CSMD1: variants seen among roughly 807,000 people sequenced by gnomAD.
CSMD1 encodes CUB and Sushi multiple domains 1.
In CSMD1, 213 loss-of-function variants were observed where a neutral mutation model predicts 417.5. The ratio of observed to expected loss-of-function variants is 0.51; its 90% CI spans 0.46 to 0.57. The LOEUF is 0.57. Among genes scored for constraint, CSMD1 ranks in the 20% least tolerant of loss-of-function variants. The pLI, the probability that CSMD1 is intolerant of heterozygous loss-of-function variation, is 0.00. For synonymous variants in CSMD1, 2,862 were observed against 1,736.8 expected, an observed-to-expected ratio of 1.65 and a Z score of -16.11; for missense variants, 6,923 against 4,529.7, an observed-to-expected ratio of 1.53 and a Z score of -15.17.
chr8:3,450,700 A>G (rs1815648760), intron 12 of CSMD1, among the ~76,000 whole-genome samples: 1 of 151,936 alleles, frequency 6.6e-6, no homozygotes, highest in Non-Finnish European at 1.5e-5. Context: ...GCATTTTCTT[A>G]ATCCAGTCTA....
intron 3 of CSMD1, among the ~76,000 whole-genome samples, chr8:4,040,819 A>C (rs904041177): frequency 3.3e-5 from 5 of 152,144 alleles, no homozygotes; most frequent in South Asian, 2.1e-4. Context: ...ATAGCACGTG[A>C]AAGACTTTAG....
chr8:3,078,439 G>T (rs1449830506), intron 49 of CSMD1, among the ~76,000 whole-genome samples: 6 of 152,188 alleles, frequency 3.9e-5, no homozygotes, highest in Non-Finnish European at 7.3e-5. Flanking sequence ...CATGTCTTCA[G>T]TAAAATGCCT....
At chr8:4,828,894 G>C (rs535211744) in intron 1 of CSMD1, among the ~76,000 whole-genome samples, 4 of 152,022 alleles carry the variant, frequency 2.6e-5, no homozygotes, top group South Asian at 2.1e-4. Flanking sequence ...CCACATCCTC[G>C]TCCCAGTACT....
chr8:3,648,301 C>G (rs781272886), intron 7 of CSMD1, among the ~76,000 whole-genome samples: 15 of 152,324 alleles, frequency 9.8e-5, no homozygotes, highest in Non-Finnish European at 1.5e-4. Context: ...ATCTGCCCTA[C>G]AAATTGCCTT....
At chr8:3,604,763 C>T (rs1237837743) in intron 8 of CSMD1, among the ~76,000 whole-genome samples, 1 of 152,076 alleles carries the variant, frequency 6.6e-6, no homozygotes, top group Non-Finnish European at 1.5e-5. Flanking sequence ...TGGGCATAAC[C>T]TGAGTGTGCA....
chr8:3,283,032 CTTCGGAAACCT>C (rs1802857377), intron 26 of CSMD1, among the ~76,000 whole-genome samples: 1 of 152,172 alleles, frequency 6.6e-6, no homozygotes, highest in Admixed American at 6.5e-5. Context: ...CTCCTTCCTC[CTTCGGAAACCT>C]TTCATCAAAA....
At chr8:4,263,843 C>G (rs1001414143) in intron 3 of CSMD1, among the ~76,000 whole-genome samples, 5 of 152,242 alleles carry the variant, frequency 3.3e-5, no homozygotes, top group East Asian at 3.9e-4. Flanking sequence ...TGATAGCACT[C>G]AAAAACATTA....
intron 1 of CSMD1, among the ~76,000 whole-genome samples, chr8:4,748,830 A>G (rs1811122327): frequency 6.6e-6 from 1 of 152,232 alleles, no homozygotes; most frequent in African/African-American, 2.4e-5. Flanking sequence ...CCCCTTCGGG[A>G]GAGTTCACCA....
At chr8:4,965,471 T>TTCAGAAGGA (rs1406066993) in intron 1 of CSMD1, among the ~76,000 whole-genome samples, 3 of 152,212 alleles carry the variant, frequency 2.0e-5, no homozygotes, top group Non-Finnish European at 4.4e-5. Context: ...GACATGTGGA[T>TTCAGAAGGA]TCAGAAGGAT....
Position 2,962,500 on chromosome 8 carries a change from G to C in CSMD1, c.9594C>G (p.Asp3198Glu). The C allele has an allele frequency of 1.3e-5, 21 of 1,613,836 alleles. No homozygotes were observed. Among genetic ancestry groups the C allele is most frequent in the Non-Finnish European group, 1.8e-5 (21 of 1,179,810 alleles). ...VGSSRRVCQA[D>E]GTWSGIQPTC... ...TGGGTTGTATGCCGCTCCACGTGCC[G>C]TCAGCTTGGCAGACTCTTCTGGAGG... The change falls in exon 61 of 70, where the codon GAC (aspartate) becomes GAG (glutamate). Residue 3198 changes from aspartate to glutamate, a missense_variant. Physicochemically the swap from Asp to Glu is conservative, Grantham distance 45. Transcript: ENST00000635120.
intron 12 of CSMD1, among the ~76,000 whole-genome samples, chr8:3,433,322 T>G (rs1814341028): frequency 2.0e-5 from 3 of 152,232 alleles, no homozygotes; most frequent in Non-Finnish European, 4.4e-5. Context: ...TGACAGGGAC[T>G]TCCACTGCCT....
chr8:3,279,058 G>T (rs17391886), intron 26 of CSMD1: 15,931 of 152,224 alleles, frequency 0.1, 978 homozygotes, highest in South Asian at 0.21. Flanking sequence ...ACTGGTGCCC[G>T]ATTCTCACTG....
At chr8:3,456,183 G>T (rs1371716461) in intron 12 of CSMD1, among the ~76,000 whole-genome samples, 1 of 152,194 alleles carries the variant, frequency 6.6e-6, no homozygotes, top group South Asian at 2.1e-4. Context: ...GGGTGGGAGT[G>T]ACCCAATTTT....
chr8:3,656,313 C>T (rs892715265), intron 7 of CSMD1, among the ~76,000 whole-genome samples: 5 of 152,140 alleles, frequency 3.3e-5, no homozygotes, highest in East Asian at 1.9e-4. Flanking sequence ...AAGCTTAGGG[C>T]GAAAGGTATA....
Position 3,923,399 on chromosome 8 carries a change from CTTATT to C in CSMD1, c.818+74499_818+74503del, listed in dbSNP as rs576431589. 5.8e-4 allele frequency among the ~76,000 whole-genome samples: 89 copies of C among 152,202 alleles called. 1 individual carries two copies. The highest frequency in any genetic ancestry group is 2.1e-3 in the African/African-American group (87 of 41,532). Reference sequence around the variant, plus strand: ...TGCAATTTCCTTATTATATCATTTGCTTATTTTGTCAATTTGATTATATTAATTTG... The same window carrying C: ...TGCAATTTCCTTATTATATCATTTGCTTGTCAATTTGATTATATTAATTTG... On this transcript the variant is annotated intron_variant, in intron 5 of 69. Transcript: ENST00000635120.
intron 16 of CSMD1, among the ~76,000 whole-genome samples, chr8:3,397,483 C>T (rs775067306): frequency 4.6e-5 from 7 of 152,104 alleles, no homozygotes; most frequent in Admixed American, 1.3e-4. Flanking sequence ...TACCCTGGGC[C>T]CCATTCTTCC....
intron 5 of CSMD1, among the ~76,000 whole-genome samples, chr8:3,815,580 C>A (rs1157708078): frequency 6.7e-6 from 1 of 149,816 alleles, no homozygotes; most frequent in Non-Finnish European, 1.5e-5. Context: ...TTTGAAATTA[C>A]ATAAAAATTA....
At chr8:4,050,945 G>C (rs933316111) in intron 3 of CSMD1, among the ~76,000 whole-genome samples, 1 of 152,040 alleles carries the variant, frequency 6.6e-6, no homozygotes, top group African/African-American at 2.4e-5. Context: ...TCCATGATAA[G>C]GTCTCACTTG....
chr8:4,874,494 G>C (rs987455642), intron 1 of CSMD1, among the ~76,000 whole-genome samples: 3 of 149,608 alleles, frequency 2.0e-5, no homozygotes, highest in African/African-American at 7.4e-5. Context: ...GGTTCAAGCA[G>C]TTCTCCTGCC....
Sources: gnomAD v4.1 joint callset for allele counts (sites outside exome capture counted in the v4.1 genomes callset) on GRCh38, gnomAD v4.1.1 for gene constraint, MANE v1.5 for transcripts, NCBI Gene and HGNC (gene_info 2026-07-23, HGNC 2026-07-21) for gene names.